Variants in C1orf141 observed in about 807,000 individuals in gnomAD.
C1orf141 encodes chromosome 1 open reading frame 141.
Under a neutral mutation model 23.2 loss-of-function variants are expected in C1orf141, and 19 were observed. That is an observed-to-expected ratio of 0.82 (90% CI 0.57 to 1.20). C1orf141 has a LOEUF of 1.20. Ranked by LOEUF, C1orf141 falls within the 50% of genes most tolerant of loss-of-function variation. The pLI, the probability that C1orf141 is intolerant of heterozygous loss-of-function variation, is 0.00. For missense variants in C1orf141, 469 were observed against 455.1 expected (o/e 1.03, Z -0.28); for synonymous variants, 153 against 154.6 (o/e 0.99, Z 0.08).
chr1:67,113,617 G>T, intron 5 of C1orf141: 1 of 771,430 alleles, frequency 1.3e-6, no homozygotes, highest in Non-Finnish European at 1.8e-6. Context: ...CACTTGCCTT[G>T]GCATCTCAAA....
In C1orf141 at chr1:67,098,002, C is replaced by G. The variant is rs1393476072; in HGVS notation, c.347-1681G>C. ...TCCTTTCCATTGCCAATTGGCTAAC[C>G]TGGAACTAAGTCAAACCACACCAGA... On this transcript the variant is annotated intron_variant, in intron 5 of 7. Coordinates refer to ENST00000684719, the MANE Select transcript of C1orf141 (RefSeq NM_001276351.2). 6.6e-5 allele frequency among the ~76,000 whole-genome samples: 10 copies of G among 152,142 alleles called. 1 individual carries two copies. The highest frequency in any genetic ancestry group is 6.5e-4 in the Admixed American group (10 of 15,270).
At chr1:67,126,020 A>ACAC in intron 3 of C1orf141, 111 bp from the exon 4 acceptor site, 4 of 1,174,594 alleles carry the variant, frequency 3.4e-6, no homozygotes, top group Non-Finnish European at 4.6e-6. Flanking sequence ...ACACACACAG[A>ACAC]ATTTAGGTGG....
chr1:67,102,020 G>A (rs917796043), intron 5 of C1orf141, among the ~76,000 whole-genome samples: 2 of 151,956 alleles, frequency 1.3e-5, no homozygotes, highest in African/African-American at 2.4e-5. Flanking sequence ...CCAAGCAACC[G>A]CGTCCTTCAA....
At chr1:67,115,605 A>G in intron 4 of C1orf141, 141 bp from the exon 5 acceptor site, 3 of 500,040 alleles carry the variant, frequency 6.0e-6, no homozygotes, top group Non-Finnish European at 1.1e-5. Context: ...ACCAAGTGTG[A>G]AACATTGGAC....
intron 5 of C1orf141, among the ~76,000 whole-genome samples, chr1:67,105,218 C>T (rs538325259): frequency 2.6e-4 from 39 of 150,068 alleles, no homozygotes; most frequent in African/African-American, 7.8e-4. Flanking sequence ...CCCAACTACT[C>T]GGGAAGCTGC....
At position 67,120,629 on chromosome 1, in the gene C1orf141, ATCTG is replaced by A. The variant is rs1300701814; in HGVS notation, c.233+5119_233+5122del. On this transcript the variant is annotated intron_variant, in intron 4 of 7. Transcript: ENST00000684719. ...CCTTATAAGACATGAGAGAGGTGCTATCTGTCTCTTTCTCTCTGCCATGTGAAGA... is the reference window on the plus strand; with the variant it reads ...CCTTATAAGACATGAGAGAGGTGCTATCTCTTTCTCTCTGCCATGTGAAGA... Among the ~76,000 whole-genome samples, 4 of 152,258 alleles carry A rather than the reference ATCTG, an allele frequency of 2.6e-5. No individual in the cohort carries two copies. In the East Asian group the frequency reaches 7.7e-4, roughly 29 times the overall value.
chr1:67,135,982 C>T (rs1302792524), upstream of C1orf141, among the ~76,000 whole-genome samples: 1 of 146,460 alleles, frequency 6.8e-6, no homozygotes, highest in Non-Finnish European at 1.5e-5. Flanking sequence ...ATAGTCAATG[C>T]ATGAAAACAC....
At chr1:67,134,229 C>T (rs554591720) in intron 1 of C1orf141, among the ~76,000 whole-genome samples, 1 of 152,338 alleles carries the variant, frequency 6.6e-6, no homozygotes, top group African/African-American at 2.4e-5. Flanking sequence ...GTCTCTAACT[C>T]CTGACCTCAA....
intron 3 of C1orf141, 98 bp from the exon 4 acceptor site, chr1:67,126,007 C>A (rs192501549): frequency 8.1e-6 from 10 of 1,236,890 alleles, no homozygotes; most frequent in Middle Eastern, 2.3e-4. Context: ...ACTTTACACA[C>A]ACACACACAC....
At position 67,125,742 on chromosome 1, in the gene C1orf141, T is replaced by C. The variant is rs1646396143; in HGVS notation, c.233+10A>G. 1.2e-6 allele frequency: 2 copies of C among 1,611,778 alleles called. No individual in the cohort carries two copies. The highest frequency in any genetic ancestry group is 1.7e-4 in the Middle Eastern group (1 of 6,060). On this transcript the variant is annotated intron_variant, in intron 4 of 7. Transcript: ENST00000684719. ...CTGAACTGAAAATTTAAGGTGGTTA[T>C]GATAGTTACATTTTTGATTTTGTAA...
chr1:67,107,574 T>G (rs1236973263), intron 5 of C1orf141, among the ~76,000 whole-genome samples: 1 of 152,132 alleles, frequency 6.6e-6, no homozygotes, highest in Non-Finnish European at 1.5e-5. Flanking sequence ...AAGGCTGCAG[T>G]GGTTCTATAA....
chr1:67,105,291 A>G (rs1386076820), intron 5 of C1orf141, among the ~76,000 whole-genome samples: 3 of 146,250 alleles, frequency 2.1e-5, no homozygotes, highest in African/African-American at 7.6e-5. Context: ...AAGCCACTGC[A>G]CTCCAGCCTG....
At chr1:67,105,389 G>A (rs1645901898) in intron 5 of C1orf141, among the ~76,000 whole-genome samples, 1 of 148,396 alleles carries the variant, frequency 6.7e-6, no homozygotes, top group African/African-American at 2.5e-5. Context: ...ATGTGTAAAA[G>A]TAACAGCCAA....
intron 5 of C1orf141, among the ~76,000 whole-genome samples, chr1:67,113,950 T>G (rs1646134365): frequency 6.6e-6 from 1 of 152,108 alleles, no homozygotes; most frequent in Non-Finnish European, 1.5e-5. Context: ...AGATAAGAAC[T>G]CAGATAGGGA....
chr1:67,103,199 A>G, intron 5 of C1orf141: 1 of 1,200,438 alleles, frequency 8.3e-7, no homozygotes, highest in East Asian at 2.6e-5. Context: ...GGTGCAGATA[A>G]CTTTCAGTTA....
At chr1:67,122,925 C>G (rs1646327925) in intron 4 of C1orf141, 1 of 152,150 alleles carries the variant, frequency 6.6e-6, no homozygotes, top group African/African-American at 2.4e-5. Context: ...GTGTGCTAGG[C>G]TGGATGCAGT....
chr1:67,127,609 A>G (rs1027917861), intron 2 of C1orf141, among the ~76,000 whole-genome samples: 4 of 152,150 alleles, frequency 2.6e-5, no homozygotes, highest in Non-Finnish European at 4.4e-5. Flanking sequence ...AATTAAAAAT[A>G]TATCAAGCTA....
rs1426714425 is a variant in C1orf141 at position 67,093,329 on chromosome 1, T to A, written c.879A>T (p.Val293=). 3.1e-6 allele frequency: 5 copies of A among 1,613,654 alleles called. No individual in the cohort carries two copies. Among genetic ancestry groups the A allele is most frequent in the Non-Finnish European group, 4.2e-6 (5 of 1,179,694 alleles). Reference sequence around the variant, plus strand: ...TAGTTTTCTTCTTTAGTTTATCATCTACAGTTGTGTGGCCCGCTTTAAAAG... The same window carrying A: ...TAGTTTTCTTCTTTAGTTTATCATCAACAGTTGTGTGGCCCGCTTTAAAAG... The part of the protein sequence containing the change: ...PMSFKAGHTT[V]DDKLKKKTNK... The change falls in exon 8 of 8, where the codon GTA becomes GTT. Residue 293 remains valine (V), a synonymous_variant. Coordinates refer to ENST00000684719, the MANE Select transcript of C1orf141 (RefSeq NM_001276351.2).
rs149984216 is a variant in C1orf141 at position 67,141,030 on chromosome 1, A to G, written c.-103-9803T>C. ...CTTGTCAAAATTTTTGTCTAGCCATAGGATGATAAATATGATGCAGCTGTT... is the reference window on the plus strand; with the variant it reads ...CTTGTCAAAATTTTTGTCTAGCCATGGGATGATAAATATGATGCAGCTGTT... On this transcript the variant is annotated intron_variant, in intron 1 of 7. Coordinates refer to the C1orf141 transcript ENST00000371007. Among the ~76,000 whole-genome samples, 1,122 of 152,274 alleles carry G rather than the reference A, an allele frequency of 7.4e-3. 6 individuals are homozygous for G. Among genetic ancestry groups the G allele is most frequent in the South Asian group, 0.012 (56 of 4,822 alleles).
Sources: allele counts gnomAD v4.1 joint callset (sites outside exome capture counted in the v4.1 genomes callset), GRCh38; gene constraint gnomAD v4.1.1; transcripts MANE v1.5; gene names NCBI Gene and HGNC (gene_info 2026-07-23, HGNC 2026-07-21).